Variants in RAB3IP observed in about 807,000 individuals in gnomAD.
RAB3IP encodes RAB3A interacting protein.
RAB3IP carries 36 observed loss-of-function variants against 59.1 expected under a neutral mutation model. The observed-to-expected ratio is 0.61, with a 90% confidence interval of 0.47 to 0.80. The LOEUF (loss-of-function observed/expected upper bound fraction) is 0.80. RAB3IP is among the 30% of genes least tolerant of loss of function. The pLI is 0.00. For missense variants in RAB3IP, 511 were observed against 536.0 expected (o/e 0.95, Z 0.46); for synonymous variants, 207 against 191.2 (o/e 1.08, Z -0.68).
chr12:69,760,888 C>T (rs1871205679), intron 3 of RAB3IP, among the ~76,000 whole-genome samples: 1 of 152,130 alleles, frequency 6.6e-6, no homozygotes. Context: ...GTTTCTTCAG[C>T]TTTCTTATGT....
intron 3 of RAB3IP, among the ~76,000 whole-genome samples, chr12:69,781,101 C>A (rs578137576): frequency 1.3e-5 from 2 of 152,200 alleles, no homozygotes; most frequent in African/African-American, 4.8e-5. Context: ...CTTAGTTTCA[C>A]CTTTCTTATA....
intron 1 of RAB3IP, among the ~76,000 whole-genome samples, chr12:69,747,602 G>A (rs1370378043): frequency 6.6e-6 from 1 of 152,162 alleles, no homozygotes. Context: ...TGCCTGACCT[G>A]TCATCTCCAT....
intron 10 of RAB3IP, among the ~76,000 whole-genome samples, chr12:69,815,079 A>G (rs1175296866): frequency 2.6e-5 from 4 of 152,198 alleles, no homozygotes; most frequent in African/African-American, 7.2e-5. Flanking sequence ...AGGTAACAGC[A>G]TTGACATTTA....
intron 8 of RAB3IP, among the ~76,000 whole-genome samples, chr12:69,808,938 C>A (rs1047663267): frequency 4.0e-5 from 6 of 151,864 alleles, no homozygotes; most frequent in African/African-American, 1.2e-4. Context: ...TTGATCCTGT[C>A]ATTATGATGT....
chr12:69,801,715 G>A lies in RAB3IP; in HGVS notation c.1124G>A (p.Gly375Glu). 6.2e-7 allele frequency: 1 copy of A among 1,604,658 alleles called. No individual in the cohort carries two copies. Among genetic ancestry groups the A allele is most frequent in the South Asian group, 1.1e-5 (1 of 90,828 alleles). Residue 375 changes from glycine to glutamate, a missense_variant, in exon 8 of 11, where the codon GGA (glycine) becomes GAA (glutamate). Gly to Glu is a moderately conservative substitution (Grantham distance 98). Transcript: ENST00000247833. The stretch of plus-strand genomic sequence containing the variant: ...AAAGCTTCTGCAGTTGAATGCGGAG[G>A]ACCAAAGTAGGTTTTTACGTGCATG... The part of the protein sequence containing the change: ...FVKASAVECG[G>E]PKKCALTGQS...
At chr12:69,795,659 T>C (rs997544691) in intron 6 of RAB3IP, 4 of 447,420 alleles carry the variant, frequency 8.9e-6, no homozygotes, top group Non-Finnish European at 1.6e-5. Flanking sequence ...AATTTATTGC[T>C]AGAGTGCGCT....
Position 69,817,653 on chromosome 12 carries a change from T to TAAACACACACACAC in RAB3IP, c.*2208_*2209insAACACACACACACA, listed in dbSNP as rs1881270400. 1.5e-5 allele frequency: 2 copies of TAAACACACACACAC among 131,338 alleles called. No homozygotes were observed. The highest frequency in any genetic ancestry group is 3.2e-5 in the Non-Finnish European group (2 of 63,130). 8.1% of individuals were successfully genotyped at this position (131,338 alleles called of 1,614,324 possible). On this transcript the variant is annotated 3_prime_UTR_variant, in exon 11 of 11. Transcript: ENST00000247833. ...CTGGGAAAAATAGGGAAACTCCATT[T>TAAACACACACACAC]ACACACACACACACACACACACACA... is the stretch of plus-strand genomic sequence containing the variant.
intron 1 of RAB3IP, among the ~76,000 whole-genome samples, chr12:69,749,034 G>A (rs1469229716): frequency 1.3e-5 from 2 of 152,224 alleles, no homozygotes; most frequent in African/African-American, 4.8e-5. Flanking sequence ...TAGGTTAGAA[G>A]CACTGCTCAG....
intron 1 of RAB3IP, among the ~76,000 whole-genome samples, chr12:69,746,379 C>A (rs577830782): frequency 2.1e-4 from 32 of 152,174 alleles, no homozygotes; most frequent in Non-Finnish European, 4.3e-4. Context: ...GACCCTTATT[C>A]CCTGACTGTC....
Position 69,756,418 on chromosome 12 carries a change from G to A in RAB3IP, c.265G>A (p.Asp89Asn), listed in dbSNP as rs1051917586. The stretch of plus-strand genomic sequence containing the variant: ...TCTCCTTTACAGCTTTCATGTTACA[G>A]ACCCAGCCCCTTGCTCTACCTCTGG... ...EISSISFHVTDPAPCSTSGVT... is the reference protein window; with the variant it reads ...EISSISFHVTNPAPCSTSGVT... Residue 89 changes from aspartate (D) to asparagine (N), a missense_variant, in exon 3 of 11, where the codon GAC becomes AAC. By Grantham distance (23) the Asp-to-Asn change is conservative. Transcript: ENST00000247833. 6.2e-7 allele frequency: 1 copy of A among 1,613,834 alleles called. No homozygotes were observed. The highest frequency in any genetic ancestry group is 8.5e-7 in the Non-Finnish European group (1 of 1,179,908).
At position 69,822,187 on chromosome 12, in the gene RAB3IP, G is replaced by A. The variant is rs1413081617; in HGVS notation, c.*6741G>A. 6.6e-6 allele frequency: 1 copy of A among 152,094 alleles called. No homozygotes were observed. The highest frequency in any genetic ancestry group is 1.5e-5 in the Non-Finnish European group (1 of 68,028). The allele number at this position is 152,094 out of a possible 1,614,324, so 9.4% of individuals were successfully genotyped here. On this transcript the variant is annotated 3_prime_UTR_variant, in exon 11 of 11. Coordinates refer to ENST00000247833, the MANE Select transcript of RAB3IP (RefSeq NM_022456.5). ...ATCTTAATTCATATTTTATCTAAAG[G>A]CATATAAATCCTTAAAAAAAATCAT... is the stretch of plus-strand genomic sequence containing the variant.
Position 69,800,242 on chromosome 12 carries a change from TG to T in RAB3IP, c.924del (p.Trp308Ter). ...DLSLYNEFRL[W>X]KDEPTMDRTC... ...ATCCTTGTATAATGAATTCCGATTG[TG>T]GAAGGATGAGCCCACAATGGACAGG... On this transcript the variant is annotated frameshift_variant, in exon 7 of 11. Transcript: ENST00000247833. LOFTEE classifies it high-confidence loss of function. 2 of 1,575,836 alleles carry T rather than the reference TG, an allele frequency of 1.3e-6. No individual in the cohort carries two copies. Among genetic ancestry groups the T allele is most frequent in the Non-Finnish European group, 1.7e-6 (2 of 1,164,770 alleles).
intron 3 of RAB3IP, among the ~76,000 whole-genome samples, chr12:69,771,400 G>T (rs1873089325): frequency 6.6e-6 from 1 of 152,060 alleles, no homozygotes; most frequent in Non-Finnish European, 1.5e-5. Context: ...GGTGGTGCAT[G>T]CCTGTGTTCC....
chr12:69,762,998 C>T (rs1871608824), intron 3 of RAB3IP, among the ~76,000 whole-genome samples: 1 of 152,074 alleles, frequency 6.6e-6, no homozygotes, highest in Non-Finnish European at 1.5e-5. Flanking sequence ...TCAACATAAG[C>T]TCCGTCAAGT....
At chr12:69,771,437 G>A (rs1385396590) in intron 3 of RAB3IP, among the ~76,000 whole-genome samples, 3 of 152,042 alleles carry the variant, frequency 2.0e-5, no homozygotes, top group Non-Finnish European at 2.9e-5. Context: ...TGAGGTGGGA[G>A]GATTGCTTGA....
intron 3 of RAB3IP, among the ~76,000 whole-genome samples, chr12:69,761,094 CTTT>C (rs1592483469): frequency 6.6e-6 from 1 of 152,142 alleles, no homozygotes; most frequent in African/African-American, 2.4e-5. Context: ...ATTTAAAAAT[CTTT>C]TTTTCCTCAC....
At chr12:69,805,708 G>T (rs140921550) in intron 8 of RAB3IP, among the ~76,000 whole-genome samples, 6,674 of 151,556 alleles carry the variant, frequency 0.044, 173 homozygotes, top group Middle Eastern at 0.075. Context: ...TAGCATGAAG[G>T]GTTGTTGAAT....
chr12:69,801,378 G>A (rs1045630113), intron 7 of RAB3IP, among the ~76,000 whole-genome samples: 5 of 152,110 alleles, frequency 3.3e-5, no homozygotes, highest in Admixed American at 1.3e-4. Flanking sequence ...TTGAATCCTC[G>A]TCCAGATAAT....
At chr12:69,809,730 T>A (rs1226561781) in intron 8 of RAB3IP, among the ~76,000 whole-genome samples, 1 of 152,242 alleles carries the variant, frequency 6.6e-6, no homozygotes, top group African/African-American at 2.4e-5. Flanking sequence ...GTAGTTCTCA[T>A]GCCATGGTTT....
Sources: gnomAD v4.1 joint callset for allele counts (sites outside exome capture counted in the v4.1 genomes callset) on GRCh38, gnomAD v4.1.1 for gene constraint, MANE v1.5 for transcripts, NCBI Gene and HGNC (gene_info 2026-07-23, HGNC 2026-07-21) for gene names.